The following RNF13 variants were observed in gnomAD, a reference collection of about 807,000 sequenced individuals.
The protein encoded by RNF13 is ring finger protein 13.
RNF13 carries 19 observed loss-of-function variants against 37.7 expected under a neutral mutation model. That is an observed-to-expected ratio of 0.50 (90% confidence interval 0.35 to 0.74). The LOEUF (loss-of-function observed/expected upper bound fraction) is 0.74, where lower values mean the gene tolerates loss of function less well. RNF13 is among the 30% of genes least tolerant of loss of function. The probability of loss-of-function intolerance (pLI) is 0.01; values close to 1 mark genes in which losing one functional copy is unlikely to be tolerated. For missense variants in RNF13, 375 were observed against 453.0 expected (o/e 0.83, Z 1.56); for synonymous variants, 144 against 157.8 (o/e 0.91, Z 0.65).
At chr3:149,828,687 T>C (rs1019306367) in intron 1 of RNF13, among the ~76,000 whole-genome samples, 4 of 152,194 alleles carry the variant, frequency 2.6e-5, no homozygotes, top group Non-Finnish European at 5.9e-5. Flanking sequence ...TCTTTTTTTT[T>C]CTTCTCTAGT....
rs138788681 is a variant in RNF13 at position 149,866,407 on chromosome 3, C to T, written c.196-5622C>T. ...CCGTGGCATTTGTAAAGTGTCATGG[C>T]GCTGGTGGGAGTGTAGCAGTGAGGA... On this transcript the variant is annotated intron_variant, in intron 3 of 9. Coordinates refer to ENST00000392894, the MANE Select transcript of RNF13 (RefSeq NM_183381.3). 6.6e-5 allele frequency among the ~76,000 whole-genome samples: 10 copies of T among 152,280 alleles called. No homozygotes were observed. In the East Asian group the frequency reaches 7.7e-4, roughly 12 times the overall value.
At chr3:149,814,136 G>A (rs1719180781) in intron 1 of RNF13, 1 of 152,170 alleles carries the variant, frequency 6.6e-6, no homozygotes, top group Non-Finnish European at 1.5e-5. Flanking sequence ...GTCCTCTCTT[G>A]TTGCCCCAAA....
intron 2 of RNF13, among the ~76,000 whole-genome samples, chr3:149,846,737 C>A (rs1344350078): frequency 1.3e-5 from 2 of 152,152 alleles, no homozygotes; most frequent in Admixed American, 6.5e-5. Context: ...CTGCTGTGTG[C>A]TTACATAGAA....
At chr3:149,893,823 C>T (rs1390933606) in intron 4 of RNF13, 5 of 152,086 alleles carry the variant, frequency 3.3e-5, no homozygotes, top group African/African-American at 1.2e-4. Context: ...GATTATTGAC[C>T]TTTCTTTGCA....
intron 4 of RNF13, among the ~76,000 whole-genome samples, chr3:149,873,209 A>G (rs1040936747): frequency 3.9e-5 from 6 of 152,236 alleles, no homozygotes; most frequent in Admixed American, 6.5e-5. Flanking sequence ...AACTAATTCT[A>G]TTGATCCCAA....
chr3:149,945,478 T>A (rs963497274), intron 8 of RNF13, among the ~76,000 whole-genome samples: 3 of 152,200 alleles, frequency 2.0e-5, no homozygotes, highest in African/African-American at 7.2e-5. Context: ...CTCTGTAGTC[T>A]CCACCTCTGG....
intron 3 of RNF13, among the ~76,000 whole-genome samples, chr3:149,857,284 A>G (rs1372611084): frequency 6.6e-6 from 1 of 152,180 alleles, no homozygotes; most frequent in Admixed American, 6.5e-5. Context: ...CCTCTCCTGT[A>G]TCTTAAAAAA....
intron 3 of RNF13, among the ~76,000 whole-genome samples, chr3:149,863,864 A>G (rs73870461): frequency 0.026 from 4,029 of 152,290 alleles, 67 homozygotes; most frequent in South Asian, 0.036. Context: ...TGAATTATGC[A>G]TAAATATTCT....
At chr3:149,886,029 A>G (rs1315649129) in intron 4 of RNF13, among the ~76,000 whole-genome samples, 3 of 152,196 alleles carry the variant, frequency 2.0e-5, no homozygotes, top group Admixed American at 2.0e-4. Context: ...ATTGTCAAAA[A>G]TGAGTTCACT....
At chr3:149,871,909 G>A in intron 3 of RNF13, 120 bp from the exon 4 acceptor site, 1 of 655,866 alleles carries the variant, frequency 1.5e-6, no homozygotes, top group African/African-American at 1.9e-5. Flanking sequence ...AATTTTACAT[G>A]CCCAATGATA....
chr3:149,886,417 A>G (rs1576823180), intron 4 of RNF13, among the ~76,000 whole-genome samples: 3 of 152,218 alleles, frequency 2.0e-5, no homozygotes, highest in Admixed American at 1.3e-4. Context: ...GTGTATAGAG[A>G]AACAGTGGAT....
intron 2 of RNF13, among the ~76,000 whole-genome samples, chr3:149,847,181 ATTT>A (rs1325052554): frequency 1.3e-5 from 2 of 152,162 alleles, no homozygotes; most frequent in Non-Finnish European, 2.9e-5. Flanking sequence ...CTTATGAAAC[ATTT>A]TTGACTTAGA....
intron 1 of RNF13, among the ~76,000 whole-genome samples, chr3:149,815,493 A>G (rs1433807519): frequency 2.6e-5 from 4 of 152,224 alleles, no homozygotes; most frequent in Non-Finnish European, 5.9e-5. Flanking sequence ...CATGTTTACC[A>G]TATGGCATTG....
chr3:149,909,964 CAG>C (rs1020188841), intron 6 of RNF13, among the ~76,000 whole-genome samples: 3 of 138,968 alleles, frequency 2.2e-5, no homozygotes, highest in Non-Finnish European at 4.7e-5. Flanking sequence ...AAAAAAAAAA[CAG>C]AATATGAGAG....
chr3:149,823,074 C>T (rs1720147697), intron 1 of RNF13, among the ~76,000 whole-genome samples: 1 of 152,182 alleles, frequency 6.6e-6, no homozygotes, highest in African/African-American at 2.4e-5. Context: ...TTTCATGACA[C>T]AGACTTTTAA....
At chr3:149,818,699 G>A (rs990956091) in intron 1 of RNF13, among the ~76,000 whole-genome samples, 10 of 152,102 alleles carry the variant, frequency 6.6e-5, no homozygotes, top group African/African-American at 2.2e-4. Context: ...GATCACTTGA[G>A]ACCAGAGTTC....
chr3:149,874,832 C>T (rs982934559), intron 4 of RNF13, among the ~76,000 whole-genome samples: 3 of 152,092 alleles, frequency 2.0e-5, no homozygotes, highest in African/African-American at 4.8e-5. Context: ...CAACTGGAAT[C>T]GCACCCTAAA....
At chr3:149,914,048 T>G (rs532464434) in intron 7 of RNF13, among the ~76,000 whole-genome samples, 75 of 152,344 alleles carry the variant, frequency 4.9e-4, no homozygotes, top group Non-Finnish European at 1.0e-3. Context: ...TAGTATACAC[T>G]CATGTATATT....
At chr3:149,836,688 A>C (rs1439069707) in intron 1 of RNF13, among the ~76,000 whole-genome samples, 1 of 152,156 alleles carries the variant, frequency 6.6e-6, no homozygotes, top group Non-Finnish European at 1.5e-5. Context: ...ATATGCCACA[A>C]ATAATTTAAA....
Sources: gnomAD v4.1 joint callset for allele counts (sites outside exome capture counted in the v4.1 genomes callset) on GRCh38, gnomAD v4.1.1 for gene constraint, MANE v1.5 for transcripts, NCBI Gene and HGNC (gene_info 2026-07-23, HGNC 2026-07-21) for gene names.